Variants in BCAS3 observed in about 807,000 individuals in gnomAD.
The protein encoded by BCAS3 is BCAS4/BCAS3 fusion.
Under a neutral mutation model 116.1 loss-of-function variants are expected in BCAS3, and 53 were observed. The ratio of observed to expected loss-of-function variants is 0.46; its 90% CI spans 0.37 to 0.57. The LOEUF is 0.57. Ranked by LOEUF, BCAS3 falls within the 20% of genes least tolerant of loss-of-function variation. The pLI, the probability that BCAS3 is intolerant of heterozygous loss-of-function variation, is 0.00. For missense variants in BCAS3, 917 were observed against 1,165.4 expected, an observed-to-expected ratio of 0.79 and a Z score of 3.10; for synonymous variants, 391 against 408.2, an observed-to-expected ratio of 0.96 and a Z score of 0.51.
chr17:61,154,573 CCA>C (rs2077725519), intron 22 of BCAS3, among the ~76,000 whole-genome samples: 1 of 151,970 alleles, frequency 6.6e-6, no homozygotes, highest in Admixed American at 6.6e-5. Flanking sequence ...GTGGCTGGGA[CCA>C]CAGTGTGCAC....
At chr17:61,040,623 G>C (rs207476526) in intron 18 of BCAS3, among the ~76,000 whole-genome samples, 169 bp from the exon 19 acceptor site, 3 of 152,080 alleles carry the variant, frequency 2.0e-5, no homozygotes, top group Non-Finnish European at 4.4e-5. Context: ...CTAAGCAGAT[G>C]GCCTTGTGTT....
chr17:61,353,289 G>A (rs775598523), intron 22 of BCAS3, among the ~76,000 whole-genome samples: 19 of 152,174 alleles, frequency 1.2e-4, no homozygotes, highest in Admixed American at 7.9e-4. Flanking sequence ...CCAGGGGGAG[G>A]GGAGTAGGGT....
chr17:60,762,868 A>G (rs2144361333), intron 6 of BCAS3, among the ~76,000 whole-genome samples: 1 of 151,466 alleles, frequency 6.6e-6, no homozygotes, highest in African/African-American at 2.4e-5. Flanking sequence ...ATCCTCTTTT[A>G]TTCCGTTGAG....
chr17:60,911,679 C>T (rs1190356773), intron 12 of BCAS3, among the ~76,000 whole-genome samples: 1 of 151,806 alleles, frequency 6.6e-6, no homozygotes, highest in African/African-American at 2.4e-5. Flanking sequence ...AGGTGATATG[C>T]CCGTCTCGGC....
At chr17:61,223,323 AT>A (rs369768297) in intron 22 of BCAS3, among the ~76,000 whole-genome samples, 2 of 149,946 alleles carry the variant, frequency 1.3e-5, no homozygotes, top group African/African-American at 2.5e-5. Flanking sequence ...CGCCTGGCTA[AT>A]TTTTTTTTGT....
At chr17:60,852,145 T>A (rs1283846670) in intron 7 of BCAS3, among the ~76,000 whole-genome samples, 3 of 152,130 alleles carry the variant, frequency 2.0e-5, no homozygotes, top group Non-Finnish European at 4.4e-5. Context: ...TTTTTTTTTT[T>A]ATTATACTTT....
rs139652374 is a variant in BCAS3, at chr17:60,813,359, A to G, written c.476+5283A>G. On this transcript the variant is annotated intron_variant, in intron 7 of 23. Coordinates refer to ENST00000407086, the MANE Select transcript of BCAS3 (RefSeq NM_017679.5). ...TAAGCAATTTGTTTATCCCTGCCAG[A>G]GTACCTAGGACTACAGGTGTATGCC... is the stretch of plus-strand genomic sequence containing the variant. Among the ~76,000 whole-genome samples the G allele has an allele frequency of 6.5e-3, 979 of 151,660 alleles. 3 individuals carry two copies. Among genetic ancestry groups the G allele is most frequent in the Non-Finnish European group, 8.7e-3 (593 of 67,974 alleles).
At chr17:61,080,862 A>G (rs1192735516) in intron 21 of BCAS3, among the ~76,000 whole-genome samples, 3 of 152,120 alleles carry the variant, frequency 2.0e-5, no homozygotes, top group Admixed American at 6.5e-5. Flanking sequence ...TCTGCTTTGT[A>G]TTTTGTTTTT....
chr17:60,844,909 G>C lies in BCAS3; in HGVS notation c.477-23667G>C, dbSNP rs1428963861. ...GGCTGCAGTACAAGTTGTCTGAAAG[G>C]GGAGAATGTAAACTAATGGTTTAAA... On this transcript the variant is annotated intron_variant, in intron 7 of 23. Coordinates refer to ENST00000407086, the MANE Select transcript of BCAS3 (RefSeq NM_017679.5). 3.3e-5 allele frequency among the ~76,000 whole-genome samples: 5 copies of C among 152,204 alleles called. 1 individual carries two copies. The highest frequency in any genetic ancestry group is 3.4e-3 in the Middle Eastern group (1 of 294).
At chr17:61,169,560 C>T (rs1601697589) in intron 22 of BCAS3, among the ~76,000 whole-genome samples, 1 of 152,012 alleles carries the variant, frequency 6.6e-6, no homozygotes, top group African/African-American at 2.4e-5. Context: ...TGTGTGAGCC[C>T]GGCCGAGATA....
In BCAS3 at chr17:61,239,982, A is replaced by G. The variant is rs1331714661; in HGVS notation, c.2426-128345A>G. Among the ~76,000 whole-genome samples the G allele has an allele frequency of 1.3e-4, 20 of 152,228 alleles. No individual in the cohort carries two copies. Among genetic ancestry groups the G allele is most frequent in the Admixed American group, 9.2e-4 (14 of 15,284 alleles). ...AGTTCTGCACTTGAATGTTAAATAT[A>G]TGTGTGATAAAAATATTTTGATTGG... On this transcript the variant is annotated intron_variant, in intron 22 of 23. Coordinates refer to ENST00000407086, the MANE Select transcript of BCAS3 (RefSeq NM_017679.5). This position sits in a 1 kb window ranked among gnomAD's most constrained non-coding sequence, Gnocchi z 4.2.
intron 22 of BCAS3, among the ~76,000 whole-genome samples, chr17:61,295,470 A>C (rs1017380160): frequency 4.6e-5 from 7 of 152,168 alleles, no homozygotes; most frequent in African/African-American, 9.7e-5. Flanking sequence ...TTGTCAGATG[A>C]GTAGCTGTCT....
chr17:61,170,844 G>A (rs1003820055), intron 22 of BCAS3, among the ~76,000 whole-genome samples: 104 of 152,154 alleles, frequency 6.8e-4, no homozygotes, highest in Non-Finnish European at 3.2e-4. Flanking sequence ...TGTACACGGA[G>A]AGAGAACATT....
chr17:60,756,127 G>T (rs2042964823), intron 6 of BCAS3, among the ~76,000 whole-genome samples: 1 of 152,008 alleles, frequency 6.6e-6, no homozygotes, highest in South Asian at 2.1e-4. Context: ...CGTGGTGGGG[G>T]ATTATTTCAG....
intron 22 of BCAS3, among the ~76,000 whole-genome samples, chr17:61,129,774 C>T (rs2076233746): frequency 6.6e-6 from 1 of 152,206 alleles, no homozygotes; most frequent in Admixed American, 6.5e-5. Context: ...TCATGTCCTT[C>T]CTTGTCCATA....
At chr17:61,159,383 A>C (rs1056008650) in intron 22 of BCAS3, 3 of 152,192 alleles carry the variant, frequency 2.0e-5, no homozygotes, top group Non-Finnish European at 4.4e-5. Context: ...GAAATGAAGA[A>C]GAAACTTGTG....
intron 23 of BCAS3, among the ~76,000 whole-genome samples, chr17:61,371,105 G>A (rs2059020621): frequency 6.6e-6 from 1 of 152,166 alleles, no homozygotes; most frequent in African/African-American, 2.4e-5. Context: ...CAGCAATTGG[G>A]ACCCATGGCC....
intron 2 of BCAS3, 65 bp from the exon 3 acceptor site, chr17:60,683,917 A>C: frequency 7.5e-7 from 1 of 1,340,246 alleles, no homozygotes; most frequent in Non-Finnish European, 1.1e-6. Flanking sequence ...GCTTGTAAAT[A>C]GAGCTTTTTT....
chr17:60,760,193 G>T (rs769796971), intron 6 of BCAS3, among the ~76,000 whole-genome samples: 1 of 152,138 alleles, frequency 6.6e-6, no homozygotes, highest in Non-Finnish European at 1.5e-5. Context: ...TATTAATGAT[G>T]TGTGAGATTT....
Sources: allele counts gnomAD v4.1 joint callset (sites outside exome capture counted in the v4.1 genomes callset), GRCh38; gene constraint gnomAD v4.1.1; non-coding constraint Gnocchi (gnomAD v3.1); transcripts MANE v1.5; gene names NCBI Gene and HGNC (gene_info 2026-07-23, HGNC 2026-07-21).